Variants in ADAM8 observed in about 807,000 individuals in gnomAD.
The protein encoded by ADAM8 is ADAM metallopeptidase domain 8, also known as disintegrin and metalloproteinase domain-containing protein 8.
A neutral mutation model predicts 102.4 loss-of-function variants in ADAM8; 104 were observed. That is an observed-to-expected ratio of 1.02 (90% confidence interval 0.87 to 1.20). The LOEUF (loss-of-function observed/expected upper bound fraction) is 1.20. Among genes scored for constraint, ADAM8 ranks in the 50% most tolerant of loss-of-function variants. The pLI, the probability that ADAM8 is intolerant of heterozygous loss-of-function variation, is 0.00. For missense variants in ADAM8, 1,132 were observed against 1,159.0 expected, an observed-to-expected ratio of 0.98 and a Z score of 0.34; for synonymous variants, 517 against 485.2, an observed-to-expected ratio of 1.07 and a Z score of -0.86.
intron 1 of ADAM8, among the ~76,000 whole-genome samples, chr10:133,276,212 C>T (rs546215272): frequency 1.3e-5 from 2 of 152,206 alleles, no homozygotes; most frequent in South Asian, 4.1e-4. Context: ...GCAGCCAGCC[C>T]CTATCTGCCC....
At chr10:133,269,660 C>T (rs2275719) in intron 17 of ADAM8, 131 bp from the exon 18 acceptor site, 889,077 of 994,522 alleles carry the variant, frequency 0.89, 397,815 homozygotes, top group East Asian at 0.93. Context: ...CCACATGCGC[C>T]GACGGCGAGG....
intron 21 of ADAM8, among the ~76,000 whole-genome samples, chr10:133,264,335 A>G (rs1846257297): frequency 6.6e-6 from 1 of 152,174 alleles, no homozygotes; most frequent in Admixed American, 6.5e-5. Flanking sequence ...TGCTGGGATT[A>G]CAGGCATGAG....
rs767093450 is a variant in ADAM8, at chr10:133,268,834, C to T, written c.1977G>A (p.Val659=). ...CAACTGCCAGGAGCACCAGAACCAC[C>T]ACCACGAAGACGGGGAGGCTCCCGG... ...AASGSLPVFV[V]VVLVLLAVVL... is the part of the protein sequence containing the mutation. The change falls in exon 19 of 23, where the codon GTG becomes GTA. Residue 659 remains valine (V), a synonymous_variant. Coordinates refer to ENST00000445355, the MANE Select transcript of ADAM8 (RefSeq NM_001109.5). 20 of 1,609,730 alleles carry T rather than the reference C, an allele frequency of 1.2e-5. No homozygotes were observed. Among genetic ancestry groups the T allele is most frequent in the Non-Finnish European group, 1.7e-5 (20 of 1,179,910 alleles).
At chr10:133,268,901 C>T (rs1038112322) in intron 18 of ADAM8, 39 bp from the exon 19 acceptor site, 14 of 1,587,550 alleles carry the variant, frequency 8.8e-6, no homozygotes, top group South Asian at 1.1e-5. Context: ...AGGCAGGCCG[C>T]GACCTCAGGC....
intron 21 of ADAM8, among the ~76,000 whole-genome samples, chr10:133,265,784 C>A (rs555702626): frequency 1.3e-5 from 2 of 150,892 alleles, no homozygotes; most frequent in South Asian, 2.1e-4. Context: ...GGCGACAGAA[C>A]GAGACTCCAT....
intron 21 of ADAM8, among the ~76,000 whole-genome samples, chr10:133,267,047 C>T (rs1288906236): frequency 3.3e-5 from 5 of 152,224 alleles, no homozygotes; most frequent in African/African-American, 1.2e-4. Flanking sequence ...AGGGAGTCCT[C>T]TTCTCTGCCA....
intron 21 of ADAM8, among the ~76,000 whole-genome samples, chr10:133,265,959 G>A (rs1298837645): frequency 2.0e-5 from 3 of 152,132 alleles, no homozygotes; most frequent in East Asian, 1.9e-4. Context: ...AAAGAAGACA[G>A]GAGCTTTCTA....
Position 133,269,438 on chromosome 10 carries a change from G to A in ADAM8, c.1948+7C>T. ...CAGCCCCACCTGCGCTGGCCAGGGA[G>A]GCCTACCTGCGTGCACCTCAGTCAG... On this transcript the variant is annotated splice_region_variant and intron_variant, in intron 18 of 22. Transcript: ENST00000445355. 6.3e-7 allele frequency: 1 copy of A among 1,580,152 alleles called. No individual in the cohort carries two copies. Among genetic ancestry groups the A allele is most frequent in the African/African-American group, 1.3e-5 (1 of 74,482 alleles).
At chr10:133,268,606 CG>C in intron 19 of ADAM8, 141 bp downstream of exon 19, 1 of 922,860 alleles carries the variant, frequency 1.1e-6, no homozygotes, top group Non-Finnish European at 1.6e-6. Context: ...CAGCCCAAGC[CG>C]GGGGGCGTCA....
At chr10:133,272,329 CCCACCCCAGCCCTGCTCTCCCTT>C in intron 9 of ADAM8, 55 bp from the exon 10 acceptor site, 1 of 1,353,282 alleles carries the variant, frequency 7.4e-7, no homozygotes, top group Non-Finnish European at 1.0e-6. Flanking sequence ...CCACTTCCCT[CCCACCCCAGCCCTGCTCTCCCTT>C]CCACCCCACC....
chr10:133,274,318 T>A (rs1227710865), intron 2 of ADAM8, 83 bp from the exon 3 acceptor site: 8 of 1,185,648 alleles, frequency 6.7e-6, no homozygotes, highest in Non-Finnish European at 8.8e-6. Flanking sequence ...GAAGCTCAGC[T>A]GGGGGGGAAG....
intron 19 of ADAM8, 144 bp downstream of exon 19, chr10:133,268,604 G>T (rs1846408794): frequency 1.1e-6 from 1 of 908,822 alleles, no homozygotes; most frequent in Non-Finnish European, 1.6e-6. Flanking sequence ...CTCAGCCCAA[G>T]CCGGGGGGCG....
intron 19 of ADAM8, among the ~76,000 whole-genome samples, 176 bp from the exon 20 acceptor site, chr10:133,268,294 C>T (rs983072495): frequency 3.9e-5 from 6 of 152,180 alleles, no homozygotes; most frequent in Non-Finnish European, 8.8e-5. Flanking sequence ...GCAGGGACAC[C>T]CCCTCCATGT....
At chr10:133,273,126 C>A in intron 6 of ADAM8, 107 bp from the exon 7 acceptor site, 3 of 1,590,124 alleles carry the variant, frequency 1.9e-6, no homozygotes, top group Non-Finnish European at 2.6e-6. Context: ...GCTGGGGGAG[C>A]GTGGCCAGGC....
Position 133,276,757 on chromosome 10 carries a change from C to T in ADAM8, c.46+15G>A. The stretch of plus-strand genomic sequence containing the variant: ...CCCCGCGCTGCGCCCGGGACGGTTC[C>T]CTGGAACCACTCACCAGGCAGCATC... On this transcript the variant is annotated intron_variant, in intron 1 of 22. Coordinates refer to ENST00000445355, the MANE Select transcript of ADAM8 (RefSeq NM_001109.5). 1 of 1,533,722 alleles carries T rather than the reference C, an allele frequency of 6.5e-7. No individual in the cohort carries two copies. The highest frequency in any genetic ancestry group is 8.8e-7 in the Non-Finnish European group (1 of 1,142,640).
chr10:133,263,639 T>TGCCACTGTCAGCCCCGTGGGGAGGCCGG, intron 22 of ADAM8, 49 bp downstream of exon 22: 2 of 1,482,152 alleles, frequency 1.3e-6, no homozygotes, highest in East Asian at 2.6e-5. Flanking sequence ...GGGGAGGCCG[T>TGCCACTGTCAGCCCCGTGGGGAGGCCGG]GCCGTCCATT....
chr10:133,274,140 C>A lies in ADAM8; in HGVS notation c.227+19G>T, dbSNP rs531098277. On this transcript the variant is annotated intron_variant, in intron 3 of 22. Coordinates refer to ENST00000445355, the MANE Select transcript of ADAM8 (RefSeq NM_001109.5). ...TGGAGCCAGGCCCGGGCAGGGGGGC[C>A]GACCCGAGACCCACTCACCTGTTCT... The A allele has an allele frequency of 2.5e-6, 4 of 1,581,150 alleles. No homozygotes were observed. The South Asian group carries it at 4.6e-5, about 18-fold the overall frequency.
rs753724346 is a variant in ADAM8, at chr10:133,262,808, C to T, written c.*348G>A. On this transcript the variant is annotated 3_prime_UTR_variant, in exon 23 of 23. Coordinates refer to ENST00000445355, the MANE Select transcript of ADAM8 (RefSeq NM_001109.5). Reference sequence around the variant, plus strand: ...GGCTCAGCAGGCCCCAGAGCAGGGGCAGGTGTGGCTGGGAGGGGCTGTATA... The same window carrying T: ...GGCTCAGCAGGCCCCAGAGCAGGGGTAGGTGTGGCTGGGAGGGGCTGTATA... 1.0e-5 allele frequency: 3 copies of T among 286,094 alleles called. No individual in the cohort carries two copies. The highest frequency in any genetic ancestry group is 2.0e-5 in the Non-Finnish European group (3 of 148,698). 17.7% of individuals were successfully genotyped at this position (286,094 alleles called of 1,614,324 possible). A position where few individuals can be genotyped will look rare whatever the true frequency, so the allele number is the denominator to read the frequency against.
chr10:133,272,748 C>CA (rs1554930961), intron 8 of ADAM8, 50 bp downstream of exon 8: 20 of 1,564,428 alleles, frequency 1.3e-5, no homozygotes, highest in East Asian at 6.8e-5. Context: ...ACACCCCCCC[C>CA]ACCTCCCGCC....
Sources: gnomAD v4.1 joint callset for allele counts (sites outside exome capture counted in the v4.1 genomes callset) on GRCh38, gnomAD v4.1.1 for gene constraint, MANE v1.5 for transcripts, NCBI Gene and HGNC (gene_info 2026-07-23, HGNC 2026-07-21) for gene names.